Variants in ABHD5 observed in about 807,000 individuals in gnomAD.
ABHD5 encodes the protein abhydrolase domain containing 5, lysophosphatidic acid acyltransferase.
ABHD5 carries 30 observed loss-of-function variants against 44.9 expected under a neutral mutation model. That is an observed-to-expected ratio of 0.67 (90% CI 0.50 to 0.91). The LOEUF (loss-of-function observed/expected upper bound fraction) is 0.91, where lower values mean the gene tolerates loss of function less well. ABHD5 is among the 40% of genes least tolerant of loss of function. ABHD5 has a pLI of 0.00. For missense variants in ABHD5, 399 were observed against 423.4 expected, an observed-to-expected ratio of 0.94 and a Z score of 0.50; for synonymous variants, 167 against 147.0, an observed-to-expected ratio of 1.14 and a Z score of -0.99.
chr3:43,700,650 T>C (rs946358456), intron 2 of ABHD5, among the ~76,000 whole-genome samples: 2 of 151,950 alleles, frequency 1.3e-5, no homozygotes, highest in African/African-American at 4.8e-5. Flanking sequence ...CTCAGCTCAC[T>C]GCAACCTCTG....
chr3:43,713,596 C>T (rs62253039), intron 4 of ABHD5, among the ~76,000 whole-genome samples: 1 of 152,090 alleles, frequency 6.6e-6, no homozygotes, highest in Non-Finnish European at 1.5e-5. Context: ...TCACAGATGG[C>T]ACATTTTGCC....
rs1276212304 is a variant in ABHD5, at chr3:43,718,503, G to A, written c.1021G>A (p.Val341Ile). The A allele has an allele frequency of 1.2e-6, 2 of 1,614,106 alleles. No homozygotes were observed. Among genetic ancestry groups the A allele is most frequent in the East Asian group, 2.2e-5 (1 of 44,860 alleles). The change falls in exon 7 of 7, where the codon GTA (valine) becomes ATA (isoleucine). Residue 341 changes from valine to isoleucine, a missense_variant. Physicochemically the swap from Val to Ile is conservative, Grantham distance 29. Transcript: ENST00000644371. Reference sequence around the variant, plus strand: ...TCAACCAGAAGAATTCAACCAGAAAGTAAAGGAGATCTGCGACACTGTGGA... The same window carrying A: ...TCAACCAGAAGAATTCAACCAGAAAATAAAGGAGATCTGCGACACTGTGGA... ...ADQPEEFNQK[V>I]KEICDTVD is the part of the protein sequence containing the mutation.
chr3:43,723,937 G>T (rs574666440), downstream of ABHD5, among the ~76,000 whole-genome samples: 33 of 152,098 alleles, frequency 2.2e-4, no homozygotes, highest in Non-Finnish European at 4.3e-4. Flanking sequence ...TTTTTTAAAA[G>T]CCCTTACCTT....
In ABHD5 at chr3:43,691,014, G is replaced by A. The variant is rs376333756; in HGVS notation, c.22G>A (p.Val8Met). The change falls in exon 1 of 7, where the codon GTG (valine) becomes ATG (methionine). Residue 8 changes from valine (V) to methionine (M), a missense_variant. Val to Met is a conservative substitution (Grantham distance 21). Coordinates refer to ENST00000644371, the MANE Select transcript of ABHD5 (RefSeq NM_016006.6). MAAEEEE[V>M]DSADTGERSG... ...GGCTATGGCGGCGGAGGAGGAGGAG[G>A]TGGACTCTGCCGACACCGGAGAGAG... 3.8e-6 allele frequency: 6 copies of A among 1,568,290 alleles called. No homozygotes were observed. The highest frequency in any genetic ancestry group is 1.8e-5 in the Admixed American group (1 of 54,972).
At chr3:43,700,858 G>C (rs764296513) in intron 2 of ABHD5, among the ~76,000 whole-genome samples, 1 of 152,172 alleles carries the variant, frequency 6.6e-6, no homozygotes, top group Non-Finnish European at 1.5e-5. Context: ...ACAGGCATGA[G>C]CTACCACGCC....
At chr3:43,715,152 C>CTATT (rs10544015) in intron 5 of ABHD5, 94 bp downstream of exon 5, 20 of 872,990 alleles carry the variant, frequency 2.3e-5, no homozygotes, top group East Asian at 1.2e-4. Context: ...TTTTTTAAAA[C>CTATT]TATTTATTTA....
Position 43,691,055 on chromosome 3 carries a change from AG to A in ABHD5, c.47+21del, listed in dbSNP as rs2084366609. The A allele has an allele frequency of 4.5e-6, 7 of 1,544,594 alleles. No individual in the cohort carries two copies. Among genetic ancestry groups the A allele is most frequent in the East Asian group, 2.7e-5 (1 of 37,632 alleles). On this transcript the variant is annotated intron_variant, in intron 1 of 6. Coordinates refer to ENST00000644371, the MANE Select transcript of ABHD5 (RefSeq NM_016006.6). The stretch of plus-strand genomic sequence containing the variant: ...CCGGAGAGAGGTAAGCGCAGCCGGC[AG>A]GGGGCTTCGTGTGTCTCCGGCGCGC...
chr3:43,702,431 G>T lies in ABHD5; in HGVS notation c.350G>T (p.Arg117Ile), dbSNP rs745991593. 2 of 1,614,236 alleles carry T rather than the reference G, an allele frequency of 1.2e-6. No homozygotes were observed. Among genetic ancestry groups the T allele is most frequent in the Non-Finnish European group, 1.7e-6 (2 of 1,180,048 alleles). Residue 117 changes from arginine to isoleucine, a missense_variant, in exon 3 of 7, where the codon AGA becomes ATA. Coordinates refer to ENST00000644371, the MANE Select transcript of ABHD5 (RefSeq NM_016006.6). ...FDLLGFGRSSRPRFDSDAEEV... is the reference protein window; with the variant it reads ...FDLLGFGRSSIPRFDSDAEEV... Reference sequence around the variant, plus strand: ...CTATTGGGTTTTGGACGAAGTAGTAGACCCAGGTTTGACAGTGATGCAGAA... The same window carrying T: ...CTATTGGGTTTTGGACGAAGTAGTATACCCAGGTTTGACAGTGATGCAGAA...
At position 43,690,962 on chromosome 3, in the gene ABHD5, G is replaced by A. The variant is rs765153342; in HGVS notation, c.-31G>A. 1.2e-5 allele frequency: 19 copies of A among 1,558,354 alleles called. No individual in the cohort carries two copies. The African/African-American group carries it at 1.3e-4, about 10-fold the overall frequency. ...CAGTCGGCCTGTCAGCCGGCTTCGAGATAAGTCCCGGCGCTTGCGCGGCGG... is the reference window on the plus strand; with the variant it reads ...CAGTCGGCCTGTCAGCCGGCTTCGAAATAAGTCCCGGCGCTTGCGCGGCGG... On this transcript the variant is annotated 5_prime_UTR_variant, in exon 1 of 7. Transcript: ENST00000644371.
intron 7 of ABHD5, among the ~76,000 whole-genome samples, chr3:43,730,432 T>C (rs2084905266): frequency 6.6e-6 from 1 of 151,618 alleles, no homozygotes; most frequent in Non-Finnish European, 1.5e-5. Flanking sequence ...TTCCATCTAA[T>C]AGATATTCCA....
intron 3 of ABHD5, among the ~76,000 whole-genome samples, chr3:43,705,793 G>T (rs946915401): frequency 7.9e-5 from 12 of 152,082 alleles, no homozygotes; most frequent in African/African-American, 2.9e-4. Context: ...TCTGCAAGGT[G>T]CATCGTCTCC....
intron 7 of ABHD5, among the ~76,000 whole-genome samples, chr3:43,728,812 G>A (rs1471451523): frequency 6.6e-6 from 1 of 152,210 alleles, no homozygotes; most frequent in East Asian, 1.9e-4. Flanking sequence ...GCCTAGAGTG[G>A]ACACCAGTGA....
At position 43,711,691 on chromosome 3, in the gene ABHD5, T is replaced by C. The variant is rs1292794208; in HGVS notation, c.507-18T>C. 2 of 1,613,886 alleles carry C rather than the reference T, an allele frequency of 1.2e-6. No individual in the cohort carries two copies. The highest frequency in any genetic ancestry group is 1.7e-6 in the Non-Finnish European group (2 of 1,179,876). Reference sequence around the variant, plus strand: ...TGATTTTACCAAATGAACTTAAATATATTCTTTCCCCCAACAGGGTTAATC... The same window carrying C: ...TGATTTTACCAAATGAACTTAAATACATTCTTTCCCCCAACAGGGTTAATC... On this transcript the variant is annotated intron_variant, in intron 3 of 6. Coordinates refer to ENST00000644371, the MANE Select transcript of ABHD5 (RefSeq NM_016006.6).
chr3:43,717,003 T>C (rs1483783217), intron 5 of ABHD5, among the ~76,000 whole-genome samples: 1 of 152,084 alleles, frequency 6.6e-6, no homozygotes, highest in Non-Finnish European at 1.5e-5. Context: ...AAACCCCGTC[T>C]CTACTGAAAA....
At chr3:43,701,722 A>G (rs533528759) in intron 2 of ABHD5, among the ~76,000 whole-genome samples, 284 of 152,258 alleles carry the variant, frequency 1.9e-3, no homozygotes, top group South Asian at 0.01. Flanking sequence ...GATACCAGTA[A>G]TCCTTCCCTA....
chr3:43,704,958 CA>C (rs2084596730), intron 3 of ABHD5, among the ~76,000 whole-genome samples: 1 of 152,126 alleles, frequency 6.6e-6, no homozygotes, highest in African/African-American at 2.4e-5. Context: ...ATTGAATATT[CA>C]AGCTTATATT....
At position 43,731,833 on chromosome 3, in the gene ABHD5, C is replaced by CAATA. The variant is rs199858915; in HGVS notation, c.*30-2028_*30-2025dup. On this transcript the variant is annotated intron_variant, in intron 7 of 7. Transcript: ENST00000454293. ...GGGTAAGAAGAGTGAAACTCCGTCT[C>CAATA]AATAAATAAATAAATAAATAAAAAT... Among the ~76,000 whole-genome samples, 73 of 151,660 alleles carry CAATA rather than the reference C, an allele frequency of 4.8e-4. 1 individual carries two copies. Among genetic ancestry groups the CAATA allele is most frequent in the African/African-American group, 1.7e-3 (70 of 41,280 alleles).
At chr3:43,708,845 C>T (rs2084654253) in intron 3 of ABHD5, among the ~76,000 whole-genome samples, 1 of 152,148 alleles carries the variant, frequency 6.6e-6, no homozygotes, top group South Asian at 2.1e-4. Flanking sequence ...TATCACCCCA[C>T]AAAACTTGTT....
At position 43,722,296 on chromosome 3, in the gene ABHD5, T is replaced by C; in HGVS notation, c.*3764T>C. The C allele has an allele frequency of 6.6e-6, 1 of 152,174 alleles. No homozygotes were observed. The allele number at this position is 152,174 out of a possible 1,614,324, so 9.4% of individuals were successfully genotyped here. ...TTTGTAGTTCTGGTCTGGAGAAATC[T>C]CCAGAATATAGGAAATGAAAAATGT... is the stretch of plus-strand genomic sequence containing the variant. On this transcript the variant is annotated 3_prime_UTR_variant, in exon 7 of 7. Coordinates refer to ENST00000644371, the MANE Select transcript of ABHD5 (RefSeq NM_016006.6).
Sources: allele counts gnomAD v4.1 joint callset (sites outside exome capture counted in the v4.1 genomes callset), GRCh38; gene constraint gnomAD v4.1.1; transcripts MANE v1.5; gene names NCBI Gene and HGNC (gene_info 2026-07-23, HGNC 2026-07-21).